SPIDR: variants seen among roughly 807,000 people sequenced by gnomAD.
The protein encoded by SPIDR is scaffold protein involved in DNA repair, also known as DNA repair-scaffolding protein.
SPIDR carries 93 observed loss-of-function variants against 104.6 expected under a neutral mutation model. That is an observed-to-expected ratio of 0.89 (90% CI 0.75 to 1.06). SPIDR has a LOEUF of 1.06. Ranked by LOEUF, SPIDR falls within the 50% of genes least tolerant of loss-of-function variation. The pLI is 0.00. For missense variants in SPIDR, 1,154 were observed against 1,111.2 expected (o/e 1.04, Z -0.55); for synonymous variants, 431 against 416.9 (o/e 1.03, Z -0.41).
chr8:47,468,210 A>T (rs1024407127), intron 8 of SPIDR, among the ~76,000 whole-genome samples: 1 of 152,236 alleles, frequency 6.6e-6, no homozygotes, highest in Non-Finnish European at 1.5e-5. Context: ...AGATGACACA[A>T]ATAAATGGAA....
chr8:47,504,356 A>C (rs1314604273), intron 8 of SPIDR, among the ~76,000 whole-genome samples: 1 of 151,286 alleles, frequency 6.6e-6, no homozygotes, highest in South Asian at 2.1e-4. Flanking sequence ...TTTTCTCTAA[A>C]CTTCTCTTCT....
intron 5 of SPIDR, among the ~76,000 whole-genome samples, chr8:47,305,709 AATAGT>A (rs2042981545): frequency 2.0e-5 from 3 of 152,198 alleles, no homozygotes; most frequent in African/African-American, 7.2e-5. Context: ...AATCGGTTTT[AATAGT>A]GAGTTAGAAT....
chr8:47,280,517 C>T (rs977010898), intron 2 of SPIDR, among the ~76,000 whole-genome samples: 12 of 151,820 alleles, frequency 7.9e-5, no homozygotes, highest in East Asian at 3.9e-4. Flanking sequence ...CTCAGCCTCT[C>T]GAATAGCTTG....
intron 10 of SPIDR, among the ~76,000 whole-genome samples, chr8:47,622,712 C>T (rs1300513180): frequency 6.6e-6 from 1 of 152,168 alleles, no homozygotes; most frequent in Non-Finnish European, 1.5e-5. Context: ...ACCAGGATAA[C>T]TAATTGAATC....
intron 16 of SPIDR, among the ~76,000 whole-genome samples, chr8:47,717,482 A>C (rs1486288495): frequency 6.6e-6 from 1 of 152,228 alleles, no homozygotes; most frequent in Non-Finnish European, 1.5e-5. Flanking sequence ...AACCCCAAGG[A>C]GGGTTTCCCT....
chr8:47,300,299 C>A (rs1163957968), intron 5 of SPIDR, among the ~76,000 whole-genome samples: 3 of 152,096 alleles, frequency 2.0e-5, no homozygotes, highest in Non-Finnish European at 4.4e-5. Context: ...GTGGTGATAT[C>A]CCCTTTATCA....
At chr8:47,561,117 A>G (rs1185654390) in intron 8 of SPIDR, among the ~76,000 whole-genome samples, 1 of 152,226 alleles carries the variant, frequency 6.6e-6, no homozygotes, top group African/African-American at 2.4e-5. Flanking sequence ...AATGCCTGCC[A>G]TCGAACATGA....
At chr8:47,386,407 A>G (rs1487704232) in intron 5 of SPIDR, among the ~76,000 whole-genome samples, 1 of 152,170 alleles carries the variant, frequency 6.6e-6, no homozygotes, top group Non-Finnish European at 1.5e-5. Flanking sequence ...TTATATATGT[A>G]TATTTTAAAA....
chr8:47,525,716 G>A (rs1366995995), intron 8 of SPIDR, among the ~76,000 whole-genome samples: 3 of 150,806 alleles, frequency 2.0e-5, no homozygotes, highest in Non-Finnish European at 2.9e-5. Flanking sequence ...CAGGAGAATC[G>A]CTTGAGCCCA....
chr8:47,443,506 G>A (rs546723387), intron 8 of SPIDR, among the ~76,000 whole-genome samples: 17 of 150,456 alleles, frequency 1.1e-4, no homozygotes, highest in African/African-American at 3.9e-4. Context: ...AGGAGGTGGG[G>A]GTTGCAGGGA....
chr8:47,353,559 A>G (rs567131225), intron 5 of SPIDR, among the ~76,000 whole-genome samples: 20 of 152,292 alleles, frequency 1.3e-4, no homozygotes, highest in Middle Eastern at 3.4e-3. Flanking sequence ...GGTTGGAGCA[A>G]TTGTTCAAGG....
chr8:47,457,036 T>C (rs1233175540), intron 8 of SPIDR, among the ~76,000 whole-genome samples: 1 of 152,234 alleles, frequency 6.6e-6, no homozygotes, highest in East Asian at 1.9e-4. Context: ...TTCCACATTT[T>C]TGCAATTGCA....
intron 6 of SPIDR, among the ~76,000 whole-genome samples, chr8:47,400,305 G>C (rs2061707984): frequency 6.6e-6 from 1 of 152,254 alleles, no homozygotes; most frequent in Non-Finnish European, 1.5e-5. Flanking sequence ...TGCTCAAACA[G>C]CATGCAATTG....
intron 6 of SPIDR, among the ~76,000 whole-genome samples, chr8:47,397,422 G>T (rs2061363025): frequency 6.6e-6 from 1 of 152,112 alleles, no homozygotes; most frequent in Admixed American, 6.5e-5. Context: ...CTTGAATCTG[G>T]GAGGCGGAGG....
At chr8:47,441,603 G>A (rs1330556068) in intron 8 of SPIDR, among the ~76,000 whole-genome samples, 2 of 152,092 alleles carry the variant, frequency 1.3e-5, no homozygotes, top group African/African-American at 4.8e-5. Flanking sequence ...TTAGGGGGCA[G>A]GGGTTTGTTT....
At chr8:47,706,300 G>A (rs1476151982) in intron 14 of SPIDR, among the ~76,000 whole-genome samples, 2 of 152,164 alleles carry the variant, frequency 1.3e-5, no homozygotes, top group Non-Finnish European at 2.9e-5. Flanking sequence ...GGCTGGGGCG[G>A]GAGAATGGTG....
At chr8:47,278,203 A>AG (rs1438405655) in intron 1 of SPIDR, among the ~76,000 whole-genome samples, 1 of 150,402 alleles carries the variant, frequency 6.6e-6, no homozygotes, top group Non-Finnish European at 1.5e-5. Context: ...TCTGCCACTG[A>AG]GGCTGGAATT....
intron 5 of SPIDR, among the ~76,000 whole-genome samples, chr8:47,379,815 C>G (rs2059115904): frequency 6.6e-6 from 1 of 152,166 alleles, no homozygotes; most frequent in Non-Finnish European, 1.5e-5. Flanking sequence ...GCCTTTGCTC[C>G]TTGTGGAGCT....
intron 8 of SPIDR, among the ~76,000 whole-genome samples, chr8:47,561,731 C>G (rs1448564313): frequency 6.6e-6 from 1 of 152,192 alleles, no homozygotes; most frequent in African/African-American, 2.4e-5. Context: ...TCCCTTGTAC[C>G]ATCTCTCCCA....
Sources: gnomAD v4.1 joint callset for allele counts (sites outside exome capture counted in the v4.1 genomes callset) on GRCh38, gnomAD v4.1.1 for gene constraint, MANE v1.5 for transcripts, NCBI Gene and HGNC (gene_info 2026-07-23, HGNC 2026-07-21) for gene names.